The following KCNAB1 variants were observed in gnomAD, a reference collection of about 807,000 sequenced individuals.
The protein encoded by KCNAB1 is potassium voltage-gated channel subfamily A regulatory beta subunit 1.
Under a neutral mutation model 64.6 loss-of-function variants are expected in KCNAB1, and 35 were observed. The ratio of observed to expected loss-of-function variants is 0.54; its 90% confidence interval spans 0.41 to 0.72. The LOEUF (loss-of-function observed/expected upper bound fraction) is 0.72. KCNAB1 is among the 30% of genes least tolerant of loss of function. KCNAB1 has a pLI of 0.00. For synonymous variants in KCNAB1, 177 were observed against 183.8 expected (o/e 0.96, Z 0.30); for missense variants, 401 against 512.9 (o/e 0.78, Z 2.11).
At chr3:156,145,374 T>G (rs1714977760) in intron 1 of KCNAB1, among the ~76,000 whole-genome samples, 1 of 152,188 alleles carries the variant, frequency 6.6e-6, no homozygotes, top group South Asian at 2.1e-4. Flanking sequence ...TATTCTCCCT[T>G]TAAGACACTC....
intron 1 of KCNAB1, among the ~76,000 whole-genome samples, chr3:156,325,328 G>GTAGT (rs1003700179): frequency 3.3e-5 from 5 of 152,218 alleles, no homozygotes; most frequent in African/African-American, 1.2e-4. Context: ...GGGTCCCACT[G>GTAGT]TAGTGTTCAT....
At chr3:156,225,035 A>G (rs773970139) in intron 1 of KCNAB1, among the ~76,000 whole-genome samples, 3 of 152,200 alleles carry the variant, frequency 2.0e-5, no homozygotes, top group African/African-American at 4.8e-5. Context: ...ATTCCAAAAG[A>G]TAGAGAAAGA....
intron 8 of KCNAB1, among the ~76,000 whole-genome samples, chr3:156,510,426 T>C (rs912215825): frequency 6.6e-6 from 1 of 152,080 alleles, no homozygotes; most frequent in African/African-American, 2.4e-5. Flanking sequence ...TCTCCCTTTA[T>C]CAAGTCTCTC....
chr3:156,252,459 C>T (rs1471377184), intron 1 of KCNAB1, among the ~76,000 whole-genome samples: 4 of 152,180 alleles, frequency 2.6e-5, no homozygotes, highest in African/African-American at 7.2e-5. Context: ...GAGAAAGGCA[C>T]AGCTAATGGA....
intron 1 of KCNAB1, among the ~76,000 whole-genome samples, chr3:156,162,106 T>A (rs538848723): frequency 1.6e-4 from 24 of 152,342 alleles, no homozygotes; most frequent in African/African-American, 5.8e-4. Context: ...GTGCGTGGGA[T>A]GCCTGATTTT....
intron 3 of KCNAB1, among the ~76,000 whole-genome samples, chr3:156,454,887 G>A (rs1288310659): frequency 6.6e-6 from 1 of 152,160 alleles, no homozygotes; most frequent in African/African-American, 2.4e-5. Context: ...CTGCTGCAAT[G>A]AGCCAAGCTT....
intron 8 of KCNAB1, among the ~76,000 whole-genome samples, chr3:156,496,366 G>A (rs543434660): frequency 6.6e-6 from 1 of 152,240 alleles, no homozygotes; most frequent in South Asian, 2.1e-4. Context: ...CTGTTCTCAT[G>A]ATGGTGAATA....
At chr3:156,161,743 A>G (rs1716092548) in intron 1 of KCNAB1, among the ~76,000 whole-genome samples, 1 of 152,226 alleles carries the variant, frequency 6.6e-6, no homozygotes, top group Non-Finnish European at 1.5e-5. Context: ...TACATAAAAT[A>G]ACTGGTTGTT....
chr3:156,472,179 G>A (rs1027067257), intron 7 of KCNAB1, among the ~76,000 whole-genome samples: 14 of 152,118 alleles, frequency 9.2e-5, no homozygotes, highest in African/African-American at 3.4e-4. Flanking sequence ...AAAAATCTAG[G>A]AGTCATTCTT....
At chr3:156,149,613 T>TC (rs1285808621) in intron 1 of KCNAB1, among the ~76,000 whole-genome samples, 1 of 152,050 alleles carries the variant, frequency 6.6e-6, no homozygotes, top group Non-Finnish European at 1.5e-5. Context: ...GACAAGCTCT[T>TC]CCCTCCCTCC....
At chr3:156,390,532 GT>G (rs756076838) in intron 1 of KCNAB1, among the ~76,000 whole-genome samples, 32 of 113,168 alleles carry the variant, frequency 2.8e-4, no homozygotes, top group Non-Finnish European at 7.0e-5. Flanking sequence ...TTTGTGGTTG[GT>G]TTCCTTCCTT....
intron 1 of KCNAB1, among the ~76,000 whole-genome samples, chr3:156,341,771 A>G (rs761851807): frequency 4.3e-4 from 66 of 152,230 alleles, no homozygotes; most frequent in Admixed American, 1.4e-3. Context: ...ACATATACAT[A>G]TTATACCATA....
chr3:156,398,407 A>G (rs1220724663), intron 1 of KCNAB1, among the ~76,000 whole-genome samples: 2 of 152,142 alleles, frequency 1.3e-5, no homozygotes, highest in East Asian at 3.9e-4. Context: ...CCTGGCTAAC[A>G]TGGCGAAACC....
intron 1 of KCNAB1, among the ~76,000 whole-genome samples, chr3:156,413,383 C>G (rs963777073): frequency 2.0e-5 from 3 of 152,126 alleles, no homozygotes; most frequent in African/African-American, 7.2e-5. Flanking sequence ...CCCTAAGTAC[C>G]AGGAGCAGAG....
At chr3:156,486,949 A>G (rs1006278011) in intron 8 of KCNAB1, among the ~76,000 whole-genome samples, 3 of 152,192 alleles carry the variant, frequency 2.0e-5, no homozygotes, top group African/African-American at 7.2e-5. Flanking sequence ...CATCAAGGCC[A>G]AAGGATACTT....
chr3:156,349,863 C>A (rs1363981637), intron 1 of KCNAB1, among the ~76,000 whole-genome samples: 2 of 152,210 alleles, frequency 1.3e-5, no homozygotes, highest in Admixed American at 1.3e-4. Context: ...CTGTGCTCAG[C>A]TGTTTTTCTT....
At chr3:156,129,008 A>G (rs1469171453) in intron 1 of KCNAB1, among the ~76,000 whole-genome samples, 4 of 149,346 alleles carry the variant, frequency 2.7e-5, no homozygotes, top group Non-Finnish European at 4.4e-5. Flanking sequence ...CATAATTATC[A>G]AGCATTTATA....
At chr3:156,483,457 C>T (rs372673960) in intron 8 of KCNAB1, among the ~76,000 whole-genome samples, 2 of 152,072 alleles carry the variant, frequency 1.3e-5, no homozygotes, top group African/African-American at 4.8e-5. Flanking sequence ...AATATCACCT[C>T]TTTCCATTCC....
At chr3:156,136,056 T>C (rs1041253712) in intron 1 of KCNAB1, among the ~76,000 whole-genome samples, 23 of 152,220 alleles carry the variant, frequency 1.5e-4, no homozygotes, top group Non-Finnish European at 2.6e-4. Context: ...AATTATTGCT[T>C]GTGAGAAGTC....
Sources: gnomAD v4.1 joint callset for allele counts (sites outside exome capture counted in the v4.1 genomes callset) on GRCh38, gnomAD v4.1.1 for gene constraint, MANE v1.5 for transcripts, NCBI Gene and HGNC (gene_info 2026-07-23, HGNC 2026-07-21) for gene names.